Variants in GRXCR1 observed in about 807,000 individuals in gnomAD.
GRXCR1 encodes glutaredoxin and cysteine rich domain containing 1.
Under a neutral mutation model 27.3 loss-of-function variants are expected in GRXCR1, and 27 were observed. The observed-to-expected ratio is 0.99, with a 90% CI of 0.73 to 1.37. The LOEUF is 1.37. GRXCR1 is among the 40% of genes most tolerant of loss of function. The probability of loss-of-function intolerance (pLI) is 0.00; values close to 1 mark genes in which losing one functional copy is unlikely to be tolerated. For missense variants in GRXCR1, 379 were observed against 354.4 expected, an observed-to-expected ratio of 1.07 and a Z score of -0.56; for synonymous variants, 122 against 131.1, an observed-to-expected ratio of 0.93 and a Z score of 0.47.
chr4:42,920,154 A>G (rs1746975757), intron 1 of GRXCR1, among the ~76,000 whole-genome samples: 1 of 152,148 alleles, frequency 6.6e-6, no homozygotes, highest in Non-Finnish European at 1.5e-5. Flanking sequence ...GACAATAGAC[A>G]AATGACAAAT....
intron 1 of GRXCR1, among the ~76,000 whole-genome samples, chr4:42,910,764 AG>A (rs1746705770): frequency 6.6e-6 from 1 of 152,138 alleles, no homozygotes; most frequent in Non-Finnish European, 1.5e-5. Context: ...TCTCCCTTAC[AG>A]CACATATATA....
intron 2 of GRXCR1, among the ~76,000 whole-genome samples, chr4:42,985,877 T>C (rs763886438): frequency 1.8e-4 from 28 of 152,198 alleles, no homozygotes; most frequent in Non-Finnish European, 2.9e-4. Context: ...TATTCATTTA[T>C]AGCTTGACTT....
At chr4:43,012,055 T>G (rs1433540387) in intron 2 of GRXCR1, among the ~76,000 whole-genome samples, 3 of 152,196 alleles carry the variant, frequency 2.0e-5, no homozygotes, top group Non-Finnish European at 4.4e-5. Context: ...TCTCACTATG[T>G]GAATCTTCTT....
At chr4:42,919,010 CT>C (rs1746947387) in intron 1 of GRXCR1, among the ~76,000 whole-genome samples, 1 of 152,112 alleles carries the variant, frequency 6.6e-6, no homozygotes, top group Non-Finnish European at 1.5e-5. Context: ...ATAACCTCTT[CT>C]TCTAGTTGTC....
chr4:43,020,101 G>A (rs1490690649), intron 2 of GRXCR1, among the ~76,000 whole-genome samples: 1 of 152,026 alleles, frequency 6.6e-6, no homozygotes, highest in East Asian at 1.9e-4. Context: ...AAACCTAACT[G>A]TTGTGGGTTT....
chr4:43,013,256 T>C (rs539540934), intron 2 of GRXCR1, among the ~76,000 whole-genome samples: 4 of 152,036 alleles, frequency 2.6e-5, no homozygotes, highest in Non-Finnish European at 5.9e-5. Flanking sequence ...AAACATGAAA[T>C]CAACATAGAT....
intron 1 of GRXCR1, among the ~76,000 whole-genome samples, chr4:42,931,943 A>G (rs941861897): frequency 3.9e-5 from 6 of 151,938 alleles, no homozygotes; most frequent in Admixed American, 2.6e-4. Context: ...GACGTCTTAC[A>G]TGGTGGCCGG....
chr4:42,904,096 C>T (rs1320305513), intron 1 of GRXCR1, among the ~76,000 whole-genome samples: 3 of 152,288 alleles, frequency 2.0e-5, no homozygotes, highest in East Asian at 3.9e-4. Context: ...ATTCTTTCCC[C>T]ACACATTGTG....
At chr4:43,004,873 T>A (rs1462237820) in intron 2 of GRXCR1, among the ~76,000 whole-genome samples, 1 of 152,212 alleles carries the variant, frequency 6.6e-6, no homozygotes, top group African/African-American at 2.4e-5. Context: ...GAGTTAATGC[T>A]GGAAGGAGTT....
At chr4:42,982,669 C>T (rs1254595182) in intron 2 of GRXCR1, among the ~76,000 whole-genome samples, 1 of 135,942 alleles carries the variant, frequency 7.4e-6, no homozygotes, top group Non-Finnish European at 1.6e-5. Context: ...TACAGTCCCA[C>T]CAACAGTGTA....
intron 2 of GRXCR1, among the ~76,000 whole-genome samples, chr4:43,003,789 G>A (rs980025146): frequency 2.0e-5 from 3 of 152,216 alleles, no homozygotes; most frequent in African/African-American, 7.2e-5. Flanking sequence ...TTCACAAATA[G>A]AGGGTCTGAA....
chr4:42,905,608 T>C (rs1459823619), intron 1 of GRXCR1, among the ~76,000 whole-genome samples: 3 of 152,200 alleles, frequency 2.0e-5, no homozygotes, highest in Non-Finnish European at 4.4e-5. Context: ...TCTTGGCTTG[T>C]TGGTTGATGT....
At chr4:43,007,566 C>T (rs549241371) in intron 2 of GRXCR1, among the ~76,000 whole-genome samples, 1 of 152,274 alleles carries the variant, frequency 6.6e-6, no homozygotes, top group East Asian at 1.9e-4. Flanking sequence ...AGAATAAAAC[C>T]AGGGAGGTGG....
chr4:42,970,563 T>G (rs1048624368), intron 2 of GRXCR1, among the ~76,000 whole-genome samples: 1 of 152,148 alleles, frequency 6.6e-6, no homozygotes, highest in African/African-American at 2.4e-5. Flanking sequence ...TGTCCCAAGC[T>G]ATATTTTGTC....
rs1430625408 is a variant in GRXCR1 at position 42,987,220 on chromosome 4, T to TGAA, written c.627+24086_627+24087insGAA. ...AGTTTTCATATATATATTATATATA[T>TGAA]ATTATATATTATATATATATAATAT... On this transcript the variant is annotated intron_variant, in intron 2 of 3. Coordinates refer to ENST00000399770, the MANE Select transcript of GRXCR1 (RefSeq NM_001080476.3). 4.7e-3 allele frequency among the ~76,000 whole-genome samples: 196 copies of TGAA among 41,604 alleles called. 1 individual carries two copies. The highest frequency in any genetic ancestry group is 0.018 in the African/African-American group (182 of 10,150). 27.3% of individuals were successfully genotyped at this position (41,604 alleles called of 152,430 possible). A position where few individuals can be genotyped will look rare whatever the true frequency, so the allele number is the denominator to read the frequency against.
At chr4:43,007,543 T>C (rs1712601561) in intron 2 of GRXCR1, among the ~76,000 whole-genome samples, 1 of 152,004 alleles carries the variant, frequency 6.6e-6, no homozygotes, top group African/African-American at 2.4e-5. Flanking sequence ...AGAGAGGAGG[T>C]TGGAGGCAAG....
chr4:42,926,150 T>A lies in GRXCR1; in HGVS notation c.384+32500T>A, dbSNP rs190969843. Among the ~76,000 whole-genome samples, 18 of 152,180 alleles carry A rather than the reference T, an allele frequency of 1.2e-4. No individual in the cohort carries two copies. In the East Asian group the frequency reaches 1.7e-3, roughly 15 times the overall value. On this transcript the variant is annotated intron_variant, in intron 1 of 3. Transcript: ENST00000399770. ...AATGATTCTGAGTGGCTGCACTATG[T>A]TGTAGGATTTCATAAACTCAAGCAA...
At chr4:43,018,281 C>A (rs1380787645) in intron 2 of GRXCR1, among the ~76,000 whole-genome samples, 1 of 152,140 alleles carries the variant, frequency 6.6e-6, no homozygotes, top group Non-Finnish European at 1.5e-5. Flanking sequence ...TGTTGAGTAG[C>A]AGTGGCTGGG....
chr4:42,921,697 TA>T (rs1356594987), intron 1 of GRXCR1, among the ~76,000 whole-genome samples: 1 of 152,122 alleles, frequency 6.6e-6, no homozygotes, highest in African/African-American at 2.4e-5. Context: ...GAATTTCTCT[TA>T]AAAAAATCTT....
Sources: allele counts gnomAD v4.1 joint callset (sites outside exome capture counted in the v4.1 genomes callset), GRCh38; gene constraint gnomAD v4.1.1; transcripts MANE v1.5; gene names NCBI Gene and HGNC (gene_info 2026-07-23, HGNC 2026-07-21).